Variants in SQOR observed in about 807,000 individuals in gnomAD.
The protein encoded by SQOR is sulfide quinone oxidoreductase, also known as sulfide:quinone oxidoreductase, mitochondrial.
A neutral mutation model predicts 48.6 loss-of-function variants in SQOR; 39 were observed. The observed-to-expected ratio is 0.80, with a 90% confidence interval of 0.62 to 1.05. The LOEUF is 1.05. Ranked by LOEUF, SQOR falls within the 50% of genes least tolerant of loss-of-function variation. The probability of loss-of-function intolerance (pLI) is 0.00; values close to 1 mark genes in which losing one functional copy is unlikely to be tolerated. For synonymous variants in SQOR, 220 were observed against 206.2 expected (o/e 1.07, Z -0.57); for missense variants, 561 against 559.9 (o/e 1.00, Z -0.02).
At chr15:45,688,625 C>T (rs1890265972) in intron 8 of SQOR, among the ~76,000 whole-genome samples, 1 of 151,956 alleles carries the variant, frequency 6.6e-6, no homozygotes, top group Admixed American at 6.6e-5. Context: ...GATTCTCCTG[C>T]CTCAGCCTCC....
chr15:45,635,749 T>A (rs576883694), intron 1 of SQOR, among the ~76,000 whole-genome samples: 62 of 152,368 alleles, frequency 4.1e-4, no homozygotes, highest in Non-Finnish European at 7.6e-4. Context: ...TGGCTTTGCC[T>A]GCGCTGCCCA....
At chr15:45,647,054 G>A (rs2140940247) in intron 1 of SQOR, among the ~76,000 whole-genome samples, 1 of 152,194 alleles carries the variant, frequency 6.6e-6, no homozygotes, top group South Asian at 2.1e-4. Flanking sequence ...TTCGACACCA[G>A]CTTGGCCAAC....
At chr15:45,667,112 T>C (rs1465436407) in intron 3 of SQOR, among the ~76,000 whole-genome samples, 2 of 40,862 alleles carry the variant, frequency 4.9e-5, no homozygotes, top group African/African-American at 1.0e-4. Flanking sequence ...GTCTCCTTCC[T>C]CCCTCCCCTC....
At chr15:45,668,190 C>T (rs137928998) in intron 3 of SQOR, among the ~76,000 whole-genome samples, 118 of 152,190 alleles carry the variant, frequency 7.8e-4, no homozygotes, top group Middle Eastern at 3.4e-3. Flanking sequence ...TTGATCCACC[C>T]GCCTCAGCCT....
intron 5 of SQOR, 60 bp downstream of exon 5, chr15:45,673,861 C>G: frequency 1.3e-6 from 2 of 1,517,486 alleles, no homozygotes. Context: ...TCACTGATTG[C>G]AAGAATTCCA....
intron 4 of SQOR, among the ~76,000 whole-genome samples, chr15:45,670,661 C>T (rs1050633142): frequency 1.1e-4 from 17 of 152,180 alleles, no homozygotes; most frequent in Admixed American, 5.2e-4. Context: ...AACCGGGTAA[C>T]AAGCTTCAGG....
chr15:45,647,779 G>T (rs78820176), intron 1 of SQOR, among the ~76,000 whole-genome samples: 1 of 151,852 alleles, frequency 6.6e-6, no homozygotes, highest in Non-Finnish European at 1.5e-5. Context: ...AGCTGGGCGT[G>T]GTTGTGGGTG....
chr15:45,672,193 C>T (rs763657770), intron 4 of SQOR, among the ~76,000 whole-genome samples: 34 of 152,136 alleles, frequency 2.2e-4, no homozygotes, highest in African/African-American at 6.5e-4. Context: ...CGGTCCTGTG[C>T]GAAGACCCCC....
At position 45,655,928 on chromosome 15, in the gene SQOR, G is replaced by A. The variant is rs189882091; in HGVS notation, c.-17-2979G>A. ...TCTCGATCTCCTGACCTTGTGATCC[G>A]CCCGCCTTGGCCTCCCAAAGTGCTA... On this transcript the variant is annotated intron_variant, in intron 1 of 9. Coordinates refer to ENST00000260324, the MANE Select transcript of SQOR (RefSeq NM_021199.4). Among the ~76,000 whole-genome samples the A allele has an allele frequency of 2.8e-4, 43 of 151,174 alleles. No individual in the cohort carries two copies. The East Asian group carries it at 6.0e-3, about 21-fold the overall frequency.
In SQOR at chr15:45,658,950, A is replaced by G; in HGVS notation, c.27A>G (p.Ser9=). Residue 9 remains serine, a synonymous_variant, in exon 2 of 10, where the codon TCA becomes TCG. Transcript: ENST00000260324. ...TGGTGCCACTGGTGGCTGTGGTATCAGGGCCCCGTGCCCAGCTCTTTGCCT... is the reference window on the plus strand; with the variant it reads ...TGGTGCCACTGGTGGCTGTGGTATCGGGGCCCCGTGCCCAGCTCTTTGCCT... The part of the protein sequence containing the change: MVPLVAVV[S]GPRAQLFACL... The G allele has an allele frequency of 1.3e-6, 2 of 1,571,144 alleles. No homozygotes were observed. Among genetic ancestry groups the G allele is most frequent in the Non-Finnish European group, 8.7e-7 (1 of 1,154,490 alleles).
intron 6 of SQOR, among the ~76,000 whole-genome samples, chr15:45,679,384 G>A (rs1034780402): frequency 6.6e-6 from 1 of 152,162 alleles, no homozygotes; most frequent in African/African-American, 2.4e-5. Flanking sequence ...AATGACTAAT[G>A]TTCAACCAGG....
chr15:45,665,987 G>A (rs1889809578), intron 3 of SQOR, among the ~76,000 whole-genome samples: 1 of 152,182 alleles, frequency 6.6e-6, no homozygotes, highest in Non-Finnish European at 1.5e-5. Context: ...TCCCTGATCC[G>A]GGGGTGTGTT....
At chr15:45,687,591 G>A (rs1265471713) in intron 7 of SQOR, among the ~76,000 whole-genome samples, 2 of 144,846 alleles carry the variant, frequency 1.4e-5, no homozygotes, top group African/African-American at 5.0e-5. Context: ...AAAATACAGC[G>A]GGAAAAAAAT....
intron 8 of SQOR, among the ~76,000 whole-genome samples, chr15:45,688,803 G>A (rs573648660): frequency 2.0e-5 from 3 of 152,032 alleles, no homozygotes; most frequent in East Asian, 1.9e-4. Context: ...GTGAGCCACC[G>A]CGCCTGGCCC....
chr15:45,642,076 T>A (rs1396429231), intron 1 of SQOR, among the ~76,000 whole-genome samples: 2 of 152,206 alleles, frequency 1.3e-5, no homozygotes, highest in Non-Finnish European at 2.9e-5. Context: ...CCTAGCACAA[T>A]CCCTGGCATT....
At chr15:45,682,729 AAC>A in intron 7 of SQOR, 68 bp downstream of exon 7, 1 of 1,565,314 alleles carries the variant, frequency 6.4e-7, no homozygotes, top group Non-Finnish European at 8.7e-7. Context: ...TTGTAACAAA[AAC>A]ACAAGCTTGG....
At chr15:45,660,549 GC>G (rs2140948591) in intron 2 of SQOR, among the ~76,000 whole-genome samples, 1 of 152,334 alleles carries the variant, frequency 6.6e-6, no homozygotes, top group East Asian at 1.9e-4. Flanking sequence ...AGTTTGTCCT[GC>G]CCCGTGAGGA....
At chr15:45,674,844 G>T (rs188582276) in intron 5 of SQOR, among the ~76,000 whole-genome samples, 1 of 152,164 alleles carries the variant, frequency 6.6e-6, no homozygotes, top group African/African-American at 2.4e-5. Flanking sequence ...ACCAAAGTGC[G>T]GTTTGGCTTG....
chr15:45,632,954 T>A (rs75620890), upstream of SQOR, among the ~76,000 whole-genome samples: 800 of 147,732 alleles, frequency 5.4e-3, 14 homozygotes, highest in African/African-American at 0.018. Context: ...AAAAAAAAAA[T>A]AAATAAATTT....
Sources: gnomAD v4.1 joint callset for allele counts (sites outside exome capture counted in the v4.1 genomes callset) on GRCh38, gnomAD v4.1.1 for gene constraint, MANE v1.5 for transcripts, NCBI Gene and HGNC (gene_info 2026-07-23, HGNC 2026-07-21) for gene names.